CYB5R4: variants seen among roughly 807,000 people sequenced by gnomAD.
The protein encoded by CYB5R4 is cytochrome b5 reductase 4.
A neutral mutation model predicts 70.2 loss-of-function variants in CYB5R4; 55 were observed. The observed-to-expected ratio is 0.78, with a 90% CI of 0.63 to 0.98. CYB5R4 has a LOEUF of 0.98. CYB5R4 is among the 50% of genes least tolerant of loss of function. The probability of loss-of-function intolerance (pLI) is 0.00; values close to 1 mark genes in which losing one functional copy is unlikely to be tolerated. For synonymous variants in CYB5R4, 197 were observed against 199.5 expected, an observed-to-expected ratio of 0.99 and a Z score of 0.11; for missense variants, 562 against 612.6, an observed-to-expected ratio of 0.92 and a Z score of 0.87.
rs1245874460 is a variant in CYB5R4 at position 83,964,269 on chromosome 6, G to A, written c.*4391G>A. The stretch of plus-strand genomic sequence containing the variant: ...ATGGGAAAGTTTGGAACTTCCTTGA[G>A]ACTTGTTGAATGGCTTTGACAAAAA... On this transcript the variant is annotated 3_prime_UTR_variant, in exon 16 of 16. Coordinates refer to ENST00000369681, the MANE Select transcript of CYB5R4 (RefSeq NM_016230.4). The A allele has an allele frequency of 6.5e-6, 1 of 153,316 alleles. No individual in the cohort carries two copies. The highest frequency in any genetic ancestry group is 1.5e-5 in the Non-Finnish European group (1 of 68,926). 9.5% of individuals were successfully genotyped at this position (153,316 alleles called of 1,614,324 possible).
intron 14 of CYB5R4, 60 bp downstream of exon 14, chr6:83,940,661 C>G (rs1343250825): frequency 2.0e-6 from 3 of 1,513,352 alleles, no homozygotes; most frequent in Non-Finnish European, 2.6e-6. Context: ...AAGTCTATGC[C>G]TTATCTTCTC....
chr6:83,890,611 G>A (rs1179053459), intron 2 of CYB5R4, among the ~76,000 whole-genome samples: 1 of 152,166 alleles, frequency 6.6e-6, no homozygotes, highest in Non-Finnish European at 1.5e-5. Context: ...ATCAATTTTG[G>A]AAGCAGTTCT....
chr6:83,878,353 A>AT (rs56795740), intron 2 of CYB5R4, among the ~76,000 whole-genome samples: 11,471 of 147,966 alleles, frequency 0.078, 1,461 homozygotes, highest in African/African-American at 0.26. Flanking sequence ...TGTTTTGTAA[A>AT]TTTTTTTTTT....
chr6:83,928,766 C>T (rs567316687), intron 10 of CYB5R4, among the ~76,000 whole-genome samples: 1 of 152,242 alleles, frequency 6.6e-6, no homozygotes, highest in South Asian at 2.1e-4. Flanking sequence ...AGTGAAGTCT[C>T]TTTCCCTGAA....
intron 2 of CYB5R4, among the ~76,000 whole-genome samples, chr6:83,890,937 G>A (rs950096769): frequency 3.3e-5 from 5 of 151,818 alleles, no homozygotes; most frequent in Non-Finnish European, 4.4e-5. Flanking sequence ...ACAATATAGC[G>A]TAAACATAAC....
intron 3 of CYB5R4, among the ~76,000 whole-genome samples, chr6:83,897,066 C>T (rs1202963595): frequency 1.3e-5 from 2 of 150,564 alleles, no homozygotes; most frequent in African/African-American, 2.5e-5. Context: ...CCCCGTCCCC[C>T]TACCTCACAA....
chr6:83,946,380 A>T (rs757936520), intron 14 of CYB5R4, among the ~76,000 whole-genome samples: 17 of 152,214 alleles, frequency 1.1e-4, no homozygotes, highest in African/African-American at 1.9e-4. Context: ...ACACCCCTTC[A>T]TGCTAAAAAC....
intron 12 of CYB5R4, among the ~76,000 whole-genome samples, chr6:83,938,201 ACC>A (rs1335461812): frequency 6.6e-6 from 1 of 152,214 alleles, no homozygotes; most frequent in Non-Finnish European, 1.5e-5. Flanking sequence ...GGTGATTATC[ACC>A]TTGTGAGAGA....
intron 3 of CYB5R4, among the ~76,000 whole-genome samples, chr6:83,898,398 G>A (rs2099462283): frequency 6.6e-6 from 1 of 152,132 alleles, no homozygotes; most frequent in African/African-American, 2.4e-5. Context: ...CAGGTAGCAT[G>A]ATGCCTCCAG....
chr6:83,942,027 C>T (rs1398042670), intron 14 of CYB5R4, among the ~76,000 whole-genome samples: 1 of 152,114 alleles, frequency 6.6e-6, no homozygotes, highest in Non-Finnish European at 1.5e-5. Flanking sequence ...GAGAAGATAA[C>T]GTAAATGCTT....
intron 2 of CYB5R4, among the ~76,000 whole-genome samples, chr6:83,886,204 C>T (rs1208862861): frequency 6.6e-6 from 1 of 152,082 alleles, no homozygotes; most frequent in Non-Finnish European, 1.5e-5. Context: ...CTCTCTTCCT[C>T]TTTTCATAAA....
intron 2 of CYB5R4, among the ~76,000 whole-genome samples, chr6:83,881,679 G>C (rs2099459469): frequency 6.6e-6 from 1 of 151,994 alleles, no homozygotes; most frequent in African/African-American, 2.4e-5. Flanking sequence ...TGGTTTTCAG[G>C]CTTCCAGAAC....
intron 3 of CYB5R4, among the ~76,000 whole-genome samples, chr6:83,908,404 C>T (rs536728109): frequency 6.6e-6 from 1 of 152,200 alleles, no homozygotes; most frequent in East Asian, 1.9e-4. Flanking sequence ...AAACAATCAC[C>T]TAAGTGTCTC....
In CYB5R4 at chr6:83,936,314, A is replaced by G. The variant is rs1259744363; in HGVS notation, c.1046A>G (p.Tyr349Cys). ...EPVLPNNKYI[Y>C]FLIKIYPTGL... ...GTTCTTCCCAACAATAAATACATCT[A>G]CTTTTTGATAAAAATCTATCCCACT... is the stretch of plus-strand genomic sequence containing the variant. Residue 349 changes from tyrosine (Y) to cysteine (C), a missense_variant, in exon 12 of 16, where the codon TAC becomes TGC. By Grantham distance (194) the Tyr-to-Cys change is radical. Transcript: ENST00000369681. 3 of 1,612,634 alleles carry G rather than the reference A, an allele frequency of 1.9e-6. No homozygotes were observed. In the African/African-American group the frequency reaches 4.0e-5, roughly 22 times the overall value.
At chr6:83,871,143 A>G (rs373537407) in intron 2 of CYB5R4, among the ~76,000 whole-genome samples, 1 of 151,570 alleles carries the variant, frequency 6.6e-6, no homozygotes, top group East Asian at 2.0e-4. Flanking sequence ...TGCCCGGCTA[A>G]TTTTTTTGTA....
intron 2 of CYB5R4, among the ~76,000 whole-genome samples, chr6:83,872,871 CAGGG>C (rs2099457856): frequency 6.6e-6 from 1 of 152,174 alleles, no homozygotes; most frequent in African/African-American, 2.4e-5. Context: ...GCATATATGA[CAGGG>C]AGTAGTTCCC....
chr6:83,908,034 GTTCTTTGAGGAATCACCATATCACT>G (rs1378864910), intron 3 of CYB5R4, among the ~76,000 whole-genome samples: 2 of 152,098 alleles, frequency 1.3e-5, no homozygotes, highest in Non-Finnish European at 2.9e-5. Flanking sequence ...TCTGTTTTTA[GTTCTTTGAGGAATCACCATATCACT>G]TTCCACAATG....
intron 2 of CYB5R4, among the ~76,000 whole-genome samples, chr6:83,889,731 G>T (rs1381444777): frequency 6.6e-6 from 1 of 152,184 alleles, no homozygotes; most frequent in East Asian, 1.9e-4. Flanking sequence ...TTGGCTCATG[G>T]TTCTGCAAGC....
chr6:83,924,734 T>C, intron 10 of CYB5R4, 142 bp downstream of exon 10: 1 of 833,208 alleles, frequency 1.2e-6, no homozygotes, highest in Non-Finnish European at 1.8e-6. Context: ...AAAGGGACAA[T>C]GTGTGTTGTC....
Sources: gnomAD v4.1 joint callset for allele counts (sites outside exome capture counted in the v4.1 genomes callset) on GRCh38, gnomAD v4.1.1 for gene constraint, MANE v1.5 for transcripts, NCBI Gene and HGNC (gene_info 2026-07-23, HGNC 2026-07-21) for gene names.